The following ERC2 variants were observed in gnomAD, a reference collection of about 807,000 sequenced individuals.
ERC2 encodes the protein ERC protein 2.
A neutral mutation model predicts 114.8 loss-of-function variants in ERC2; 42 were observed. That is an observed-to-expected ratio of 0.37 (90% CI 0.29 to 0.47). The LOEUF (loss-of-function observed/expected upper bound fraction) is 0.47. ERC2 is among the 20% of genes least tolerant of loss of function. The pLI, the probability that ERC2 is intolerant of heterozygous loss-of-function variation, is 0.99. For missense variants in ERC2, 939 were observed against 1,150.7 expected, an observed-to-expected ratio of 0.82 and a Z score of 2.66; for synonymous variants, 454 against 425.5, an observed-to-expected ratio of 1.07 and a Z score of -0.82.
At chr3:56,211,495 G>T (rs1047520044) in intron 3 of ERC2, among the ~76,000 whole-genome samples, 7 of 151,972 alleles carry the variant, frequency 4.6e-5, no homozygotes, top group Non-Finnish European at 8.8e-5. Context: ...TCATGGATGG[G>T]TAGAATCAAT....
At chr3:56,353,988 A>T (rs2058650852) in intron 2 of ERC2, among the ~76,000 whole-genome samples, 1 of 152,120 alleles carries the variant, frequency 6.6e-6, no homozygotes, top group African/African-American at 2.4e-5. Flanking sequence ...AGAGAGGCTA[A>T]GACACTCACC....
intron 17 of ERC2, among the ~76,000 whole-genome samples, chr3:55,639,028 T>C (rs2060069465): frequency 6.6e-6 from 1 of 152,184 alleles, no homozygotes; most frequent in African/African-American, 2.4e-5. Flanking sequence ...GAACACCCTA[T>C]AGAAATGGCT....
At chr3:55,583,265 A>G (rs1321535035) in intron 17 of ERC2, among the ~76,000 whole-genome samples, 2 of 152,144 alleles carry the variant, frequency 1.3e-5, no homozygotes, top group African/African-American at 4.8e-5. Flanking sequence ...GTGAATATCA[A>G]TCTAAAGAAA....
intron 3 of ERC2, among the ~76,000 whole-genome samples, chr3:56,284,134 T>A (rs1434047577): frequency 2.0e-5 from 3 of 152,162 alleles, no homozygotes; most frequent in Admixed American, 2.0e-4. Flanking sequence ...AAACTCAAGT[T>A]TAGAGAAGAT....
intron 1 of ERC2, among the ~76,000 whole-genome samples, chr3:56,465,090 G>C (rs977920168): frequency 2.0e-5 from 3 of 152,180 alleles, no homozygotes; most frequent in Admixed American, 6.5e-5. Context: ...ACATCTTGTA[G>C]CTTTTCCAAC....
At chr3:56,020,695 C>G (rs759172006) in intron 7 of ERC2, among the ~76,000 whole-genome samples, 9 of 152,132 alleles carry the variant, frequency 5.9e-5, no homozygotes, top group Non-Finnish European at 1.2e-4. Flanking sequence ...CACACATGTA[C>G]GCAAATCCAC....
chr3:55,892,756 T>C (rs1008511241), intron 13 of ERC2, among the ~76,000 whole-genome samples: 1 of 152,160 alleles, frequency 6.6e-6, no homozygotes, highest in African/African-American at 2.4e-5. Context: ...GTGTATATAA[T>C]TGATATATGA....
intron 3 of ERC2, among the ~76,000 whole-genome samples, chr3:56,274,634 T>C (rs1268517915): frequency 6.6e-6 from 1 of 152,214 alleles, no homozygotes; most frequent in Non-Finnish European, 1.5e-5. Flanking sequence ...ATATTGTTTG[T>C]GTGGGTGTGT....
At position 55,668,123 on chromosome 3, in the gene ERC2, T is replaced by A. The variant is rs116650034; in HGVS notation, c.*39+15671A>T. On this transcript the variant is annotated intron_variant, in intron 17 of 17. Coordinates refer to ENST00000288221, the MANE Select transcript of ERC2 (RefSeq NM_015576.3). ...TAAGATATATAATGCATAATAAATTTTATATATATATATGTATCTCACTAT... is the reference window on the plus strand; with the variant it reads ...TAAGATATATAATGCATAATAAATTATATATATATATATGTATCTCACTAT... Among the ~76,000 whole-genome samples the A allele has an allele frequency of 6.2e-3, 945 of 151,826 alleles. 4 individuals carry two copies. The highest frequency in any genetic ancestry group is 0.014 in the Middle Eastern group (4 of 294).
At position 55,580,198 on chromosome 3, in the gene ERC2, A is replaced by G. The variant is rs114378623; in HGVS notation, c.*40-68922T>C. Among the ~76,000 whole-genome samples, 428 of 152,250 alleles carry G rather than the reference A, an allele frequency of 2.8e-3. 3 individuals are homozygous for G. Among genetic ancestry groups the G allele is most frequent in the African/African-American group, 1.0e-2 (415 of 41,542 alleles). On this transcript the variant is annotated intron_variant, in intron 17 of 17. Coordinates refer to ENST00000288221, the MANE Select transcript of ERC2 (RefSeq NM_015576.3). ...GTTTTGCCACCATTGCCAAAACTGAATGTAAATACCACTTGACAGCAATAG... is the reference window on the plus strand; with the variant it reads ...GTTTTGCCACCATTGCCAAAACTGAGTGTAAATACCACTTGACAGCAATAG...
chr3:56,345,890 G>T (rs1043743076), intron 2 of ERC2, among the ~76,000 whole-genome samples: 1 of 152,192 alleles, frequency 6.6e-6, no homozygotes, highest in Non-Finnish European at 1.5e-5. Context: ...AGAAGACTGT[G>T]TTACTTCATA....
intron 3 of ERC2, among the ~76,000 whole-genome samples, chr3:56,225,948 T>G (rs1385284757): frequency 6.6e-6 from 1 of 152,190 alleles, no homozygotes; most frequent in Non-Finnish European, 1.5e-5. Context: ...TCCTAAGCAC[T>G]AGCATTTATG....
chr3:56,390,423 G>A (rs919812442), intron 2 of ERC2, among the ~76,000 whole-genome samples: 1 of 152,140 alleles, frequency 6.6e-6, no homozygotes, highest in African/African-American at 2.4e-5. Context: ...AAATGGTTGA[G>A]TGATGAGAAT....
chr3:55,684,967 T>C (rs564542398), intron 16 of ERC2, among the ~76,000 whole-genome samples: 9 of 152,336 alleles, frequency 5.9e-5, no homozygotes, highest in Middle Eastern at 3.4e-3. Context: ...ATTGGTTAAG[T>C]TGTTACACTC....
chr3:56,465,391 C>A (rs922520318), intron 1 of ERC2, among the ~76,000 whole-genome samples: 1 of 152,024 alleles, frequency 6.6e-6, no homozygotes, highest in African/African-American at 2.4e-5. Context: ...GAGCAAGACT[C>A]CATTTCAAAA....
chr3:55,764,386 A>G (rs1489310575), intron 14 of ERC2, among the ~76,000 whole-genome samples: 1 of 152,226 alleles, frequency 6.6e-6, no homozygotes, highest in Non-Finnish European at 1.5e-5. Context: ...CAACACTTGC[A>G]TCGCATTTAC....
At chr3:56,159,177 G>A (rs372397954) in intron 4 of ERC2, among the ~76,000 whole-genome samples, 2 of 151,988 alleles carry the variant, frequency 1.3e-5, no homozygotes, top group East Asian at 3.9e-4. Context: ...TAAGTTTCCT[G>A]AGGCCTCCTC....
At chr3:55,961,811 T>C (rs1481950066) in intron 12 of ERC2, among the ~76,000 whole-genome samples, 2 of 131,106 alleles carry the variant, frequency 1.5e-5, no homozygotes, top group Admixed American at 1.6e-4. Context: ...TTCAATTTCA[T>C]AAAATGATTG....
At chr3:55,821,479 A>G (rs1237986142) in intron 14 of ERC2, among the ~76,000 whole-genome samples, 2 of 152,158 alleles carry the variant, frequency 1.3e-5, no homozygotes, top group African/African-American at 2.4e-5. Context: ...ATATTTTATC[A>G]TTTTTATTGA....
Sources: gnomAD v4.1 joint callset for allele counts (sites outside exome capture counted in the v4.1 genomes callset) on GRCh38, gnomAD v4.1.1 for gene constraint, MANE v1.5 for transcripts, NCBI Gene and HGNC (gene_info 2026-07-23, HGNC 2026-07-21) for gene names.